The following QTGAL variants were observed in gnomAD, a reference collection of about 807,000 sequenced individuals.
QTGAL encodes the protein queuosine-tRNA galactosyltransferase.
chr17:82,997,922 A>T, the QTGAL span, among the ~76,000 whole-genome samples: 6 of 58,978 alleles, frequency 1.0e-4, no homozygotes, highest in Admixed American at 1.6e-4. Flanking sequence ...AATGGGTTTA[A>T]AAAAAAAAAT....
At chr17:83,000,087 C>T in the QTGAL span, among the ~76,000 whole-genome samples, 2 of 152,288 alleles carry the variant, frequency 1.3e-5, no homozygotes, top group African/African-American at 2.4e-5. Flanking sequence ...CTCAGCCTCC[C>T]ATGTAGCTGG....
At chr17:83,021,198 T>C in the QTGAL span, among the ~76,000 whole-genome samples, 2 of 152,212 alleles carry the variant, frequency 1.3e-5, no homozygotes, top group African/African-American at 4.8e-5. Flanking sequence ...TGTTCAACAC[T>C]GTACTGGAGG....
chr17:82,974,579 T>G, the QTGAL span, among the ~76,000 whole-genome samples: 1 of 152,232 alleles, frequency 6.6e-6, no homozygotes, highest in Admixed American at 6.5e-5. Flanking sequence ...CCTGATCATA[T>G]TTGCGGAGTG....
chr17:82,968,888 C>G, the QTGAL span, among the ~76,000 whole-genome samples: 1 of 152,202 alleles, frequency 6.6e-6, no homozygotes, highest in South Asian at 2.1e-4. Flanking sequence ...AATCCCAGCA[C>G]TTTGGGAGGC....
At chr17:82,998,984 TCAAGAGTTGG>T in the QTGAL span, among the ~76,000 whole-genome samples, 2 of 150,840 alleles carry the variant, frequency 1.3e-5, no homozygotes, top group African/African-American at 4.9e-5. Context: ...AAAGATCATA[TCAAGAGTTGG>T]CAAGGACATG....
chr17:82,997,734 TG>T, the QTGAL span, among the ~76,000 whole-genome samples: 1 of 152,088 alleles, frequency 6.6e-6, no homozygotes, highest in Non-Finnish European at 1.5e-5. Flanking sequence ...TAGACGGCAC[TG>T]GGGGGTCATT....
chr17:82,994,662 T>C, the QTGAL span, among the ~76,000 whole-genome samples: 2 of 152,098 alleles, frequency 1.3e-5, no homozygotes, highest in African/African-American at 4.8e-5. Flanking sequence ...TTCCAAAAAA[T>C]AGAGGAGGAA....
chr17:82,951,285 C>G, the QTGAL span, among the ~76,000 whole-genome samples: 1 of 152,188 alleles, frequency 6.6e-6, no homozygotes, highest in Non-Finnish European at 1.5e-5. Flanking sequence ...GTAGCATGAT[C>G]TTCTGGAGAG....
the QTGAL span, among the ~76,000 whole-genome samples, chr17:82,968,793 A>G: frequency 1.3e-5 from 2 of 152,144 alleles, no homozygotes; most frequent in African/African-American, 4.8e-5. Flanking sequence ...TGAGGTCGGG[A>G]GTTCGAGACC....
At chr17:83,014,354 T>G in the QTGAL span, 1 of 1,313,668 alleles carries the variant, frequency 7.6e-7, no homozygotes. Flanking sequence ...AGTCTCACCA[T>G]AGCCTGATTC....
the QTGAL span, among the ~76,000 whole-genome samples, chr17:82,975,983 C>T: frequency 0.01 from 578 of 56,092 alleles, 7 homozygotes; most frequent in African/African-American, 0.024. Flanking sequence ...CAGAGCCGGA[C>T]TCCATCCTCC....
chr17:82,962,252 C>CA, the QTGAL span, among the ~76,000 whole-genome samples: 6 of 151,754 alleles, frequency 4.0e-5, no homozygotes, highest in South Asian at 2.1e-4. Flanking sequence ...GTTCCACGTC[C>CA]AAAAAAAAGG....
At chr17:83,036,577 A>T in the QTGAL span, among the ~76,000 whole-genome samples, 1 of 152,224 alleles carries the variant, frequency 6.6e-6, no homozygotes, top group Non-Finnish European at 1.5e-5. Context: ...AGGCTGAACG[A>T]TGACCTGTGG....
chr17:83,011,048 C>T, the QTGAL span, among the ~76,000 whole-genome samples: 5 of 152,210 alleles, frequency 3.3e-5, no homozygotes, highest in Admixed American at 1.3e-4. Flanking sequence ...CTGGGTGGAG[C>T]CAGGGCAGCC....
At chr17:83,051,609 A>C in the QTGAL span, 11 of 960,344 alleles carry the variant, frequency 1.1e-5, no homozygotes, top group Non-Finnish European at 1.6e-5. Flanking sequence ...CAGGGCGGAG[A>C]CCCCGTAGGT....
the QTGAL span, among the ~76,000 whole-genome samples, chr17:82,965,491 C>T: frequency 3.3e-5 from 5 of 152,202 alleles, no homozygotes; most frequent in African/African-American, 1.2e-4. Flanking sequence ...CTGGCAGGTG[C>T]CAGGAGGGGG....
chr17:82,945,955 G>T, the QTGAL span: 11 of 152,278 alleles, frequency 7.2e-5, no homozygotes, highest in African/African-American at 1.9e-4. Context: ...AAAGCACGTA[G>T]AATTGCTTAA....
chr17:83,039,227 T>C, the QTGAL span, among the ~76,000 whole-genome samples: 20,108 of 132,468 alleles, frequency 0.15, 2,187 homozygotes, highest in Non-Finnish European at 0.19. Context: ...CGCCCGCCCC[T>C]GTTCTAGACA....
the QTGAL span, among the ~76,000 whole-genome samples, chr17:82,959,037 G>C: frequency 1.9e-5 from 1 of 51,902 alleles, no homozygotes; most frequent in Non-Finnish European, 3.5e-5. Context: ...TGTGTATACT[G>C]TGGGGGTGTA....
Sources: allele counts gnomAD v4.1 joint callset (sites outside exome capture counted in the v4.1 genomes callset), GRCh38; gene constraint gnomAD v4.1.1; transcripts MANE v1.5; gene names NCBI Gene and HGNC (gene_info 2026-07-23, HGNC 2026-07-21).